Variants in PDE1A observed in about 807,000 individuals in gnomAD.
The protein encoded by PDE1A is phosphodiesterase 1A.
A neutral mutation model predicts 61.7 loss-of-function variants in PDE1A; 35 were observed. The observed-to-expected ratio is 0.57, with a 90% CI of 0.43 to 0.75. The LOEUF (loss-of-function observed/expected upper bound fraction) is 0.75. PDE1A is among the 30% of genes least tolerant of loss of function. PDE1A has a pLI of 0.00. For synonymous variants in PDE1A, 232 were observed against 213.2 expected (o/e 1.09, Z -0.77); for missense variants, 597 against 630.6 (o/e 0.95, Z 0.57).
chr2:182,191,046 CA>C (rs1685645509), intron 10 of PDE1A, among the ~76,000 whole-genome samples: 2 of 152,136 alleles, frequency 1.3e-5, no homozygotes, highest in Admixed American at 1.3e-4. Flanking sequence ...ATGTCTAATG[CA>C]TACATTGAAT....
intron 2 of PDE1A, among the ~76,000 whole-genome samples, chr2:182,506,297 T>C (rs1689409114): frequency 6.6e-6 from 1 of 152,218 alleles, no homozygotes; most frequent in Admixed American, 6.5e-5. Flanking sequence ...AAGTAGGAAA[T>C]ACCGTTTGTC....
upstream of PDE1A, chr2:182,427,113 T>C: frequency 1.6e-6 from 1 of 618,076 alleles, no homozygotes; most frequent in Non-Finnish European, 2.0e-6. Flanking sequence ...GTTGTACAGC[T>C]GGTTCAGCAG....
chr2:182,224,144 A>G (rs1388381423), intron 6 of PDE1A, among the ~76,000 whole-genome samples, 180 bp from the exon 7 acceptor site: 2 of 151,922 alleles, frequency 1.3e-5, no homozygotes. Context: ...CATGAAGTCA[A>G]TGATTGTTTC....
At chr2:182,340,125 T>C (rs1559354355) in intron 1 of PDE1A, among the ~76,000 whole-genome samples, 1 of 152,194 alleles carries the variant, frequency 6.6e-6, no homozygotes, top group African/African-American at 2.4e-5. Flanking sequence ...ATGAAGTATA[T>C]GCAGTTTGTA....
At chr2:182,551,081 G>C in the PDE1A span, among the ~76,000 whole-genome samples, 1 of 150,576 alleles carries the variant, frequency 6.6e-6, no homozygotes, top group Non-Finnish European at 1.5e-5. Context: ...TGACCTTTAG[G>C]AACTTACATT....
chr2:182,432,402 CT>C (rs932152098), intron 2 of PDE1A, among the ~76,000 whole-genome samples: 43 of 151,476 alleles, frequency 2.8e-4, no homozygotes, highest in African/African-American at 1.0e-3. Context: ...ATTAAAGTAT[CT>C]TTTTTTAAAT....
intron 8 of PDE1A, among the ~76,000 whole-genome samples, chr2:182,202,938 A>G (rs1199547490): frequency 6.6e-6 from 1 of 152,236 alleles, no homozygotes; most frequent in African/African-American, 2.4e-5. Flanking sequence ...CTGAACCAAA[A>G]GTGTGAAGGA....
downstream of PDE1A, among the ~76,000 whole-genome samples, chr2:182,165,422 G>A (rs907985960): frequency 2.0e-5 from 3 of 152,156 alleles, no homozygotes; most frequent in Admixed American, 1.3e-4. Context: ...GGGAGTTAGG[G>A]TGTTGGCTAG....
intron 10 of PDE1A, 137 bp downstream of exon 10, chr2:182,201,302 C>T (rs1686607774): frequency 3.9e-6 from 4 of 1,037,224 alleles, no homozygotes; most frequent in Non-Finnish European, 4.2e-6. Flanking sequence ...ATAAATTTTG[C>T]TGAAACCCCC....
intron 1 of PDE1A, among the ~76,000 whole-genome samples, chr2:182,371,570 C>T (rs1010805376): frequency 6.6e-6 from 1 of 152,240 alleles, no homozygotes; most frequent in South Asian, 2.1e-4. Flanking sequence ...CCCTAATAGA[C>T]ATTTTTAAAG....
At chr2:182,333,396 C>T (rs1275628436) in intron 1 of PDE1A, among the ~76,000 whole-genome samples, 2 of 152,152 alleles carry the variant, frequency 1.3e-5, no homozygotes, top group Admixed American at 6.5e-5. Context: ...GACCACAGTG[C>T]AATCAAATTA....
At chr2:182,587,655 G>A in the PDE1A span, among the ~76,000 whole-genome samples, 15 of 152,218 alleles carry the variant, frequency 9.9e-5, no homozygotes, top group East Asian at 1.7e-3. Context: ...AAATCAAATC[G>A]ATGGCTGATC....
chr2:182,572,886 A>G, the PDE1A span, among the ~76,000 whole-genome samples: 2 of 151,802 alleles, frequency 1.3e-5, no homozygotes, highest in East Asian at 3.9e-4. Context: ...AAAAAAAAAA[A>G]AAAGTGAAAG....
chr2:182,443,580 G>A (rs1423825467), intron 2 of PDE1A, among the ~76,000 whole-genome samples: 1 of 151,946 alleles, frequency 6.6e-6, no homozygotes, highest in Non-Finnish European at 1.5e-5. Context: ...ATGTGAAGAT[G>A]TGCTTGCTTC....
At position 182,225,857 on chromosome 2, in the gene PDE1A, T is replaced by C. The variant is rs1489670132; in HGVS notation, c.676-1893A>G. On this transcript the variant is annotated intron_variant, in intron 6 of 13. Transcript: ENST00000351439. The stretch of plus-strand genomic sequence containing the variant: ...TACAAATGCCTCACAACTGGATGAG[T>C]GAAGCAGAAATAATTTTCAGAGCCA... Among the ~76,000 whole-genome samples, 15 of 149,926 alleles carry C rather than the reference T, an allele frequency of 1.0e-4. 2 individuals are homozygous for C. The highest frequency in any genetic ancestry group is 3.0e-4 in the African/African-American group (12 of 39,514).
intron 2 of PDE1A, among the ~76,000 whole-genome samples, chr2:182,512,904 A>G (rs1184833951): frequency 1.3e-5 from 2 of 152,220 alleles, no homozygotes; most frequent in Non-Finnish European, 2.9e-5. Context: ...AAAAATAATG[A>G]AAAAACAATT....
chr2:182,571,479 A>G, the PDE1A span, among the ~76,000 whole-genome samples: 1 of 152,036 alleles, frequency 6.6e-6, no homozygotes, highest in South Asian at 2.1e-4. Flanking sequence ...GTGAGTATGG[A>G]TCTGTGAAGG....
the PDE1A span, among the ~76,000 whole-genome samples, chr2:182,604,780 A>C: frequency 6.6e-6 from 1 of 152,170 alleles, no homozygotes; most frequent in African/African-American, 2.4e-5. Flanking sequence ...AACCCAAGAC[A>C]GTTTTGAAAG....
At chr2:182,707,599 A>G in the PDE1A span, among the ~76,000 whole-genome samples, 1 of 152,200 alleles carries the variant, frequency 6.6e-6, no homozygotes, top group Non-Finnish European at 1.5e-5. Flanking sequence ...AGAAAATCTG[A>G]ATGGTCCTAT....
Sources: allele counts gnomAD v4.1 joint callset (sites outside exome capture counted in the v4.1 genomes callset), GRCh38; gene constraint gnomAD v4.1.1; transcripts MANE v1.5; gene names NCBI Gene and HGNC (gene_info 2026-07-23, HGNC 2026-07-21).